Variants in TFIP11 observed in about 807,000 individuals in gnomAD.
TFIP11 encodes tuftelin-interacting protein 11.
Under a neutral mutation model 96.8 loss-of-function variants are expected in TFIP11, and 86 were observed. The observed-to-expected ratio is 0.89, with a 90% CI of 0.75 to 1.06. TFIP11 has a LOEUF of 1.06. TFIP11 is among the 50% of genes least tolerant of loss of function. The pLI is 0.00. For missense variants in TFIP11, 881 were observed against 1,076.7 expected, an observed-to-expected ratio of 0.82 and a Z score of 2.54; for synonymous variants, 405 against 395.2, an observed-to-expected ratio of 1.02 and a Z score of -0.29.
Position 26,491,767 on chromosome 22 carries a change from G to A in TFIP11, c.*246C>T. Reference sequence around the variant, plus strand: ...TGGAGGAACTACAGAGAACTCCTTTGCCAGGAAAGAACATCAACTTGGCTG... The same window carrying A: ...TGGAGGAACTACAGAGAACTCCTTTACCAGGAAAGAACATCAACTTGGCTG... On this transcript the variant is annotated 3_prime_UTR_variant, in exon 15 of 15. Transcript: ENST00000407690. 1 of 1,206,420 alleles carries A rather than the reference G, an allele frequency of 8.3e-7. No individual in the cohort carries two copies. The highest frequency in any genetic ancestry group is 2.5e-5 in the East Asian group (1 of 40,576). 74.7% of individuals were successfully genotyped at this position (1,206,420 alleles called of 1,614,324 possible).
At chr22:26,511,988 G>A (rs1158075218) in intron 2 of TFIP11, 111 bp downstream of exon 2, 1 of 152,184 alleles carries the variant, frequency 6.6e-6, no homozygotes, top group Admixed American at 6.5e-5. Context: ...CATGCTGGTC[G>A]CTTGAGACCG....
At chr22:26,495,087 G>A (rs1429679407) in intron 12 of TFIP11, 148 bp from the exon 13 acceptor site, 7 of 979,860 alleles carry the variant, frequency 7.1e-6, no homozygotes, top group Admixed American at 2.6e-5. Context: ...TCAGCCTCCC[G>A]AGTAGCTGGG....
intron 14 of TFIP11, 46 bp from the exon 15 acceptor site, chr22:26,492,414 G>T: frequency 1.3e-6 from 2 of 1,572,296 alleles, no homozygotes; most frequent in Non-Finnish European, 1.7e-6. Context: ...GTTTCCAGGT[G>T]TATGGAAGTT....
Position 26,499,474 on chromosome 22 carries a change from A to C in TFIP11, c.959T>G (p.Leu320Arg). 1 of 1,614,210 alleles carries C rather than the reference A, an allele frequency of 6.2e-7. No individual in the cohort carries two copies. The highest frequency in any genetic ancestry group is 8.5e-7 in the Non-Finnish European group (1 of 1,180,052). The change falls in exon 9 of 15, where the codon CTG (leucine) becomes CGG (arginine). Residue 320 changes from leucine (L) to arginine (R), a missense_variant. Coordinates refer to ENST00000407690, the MANE Select transcript of TFIP11 (RefSeq NM_012143.4). The stretch of plus-strand genomic sequence containing the variant: ...GATGAGCAGCTGCAGGTTGTGCTCC[A>C]GCTCGGGCAGCGCGAAGCCGGGGGC... ...AKAPGFALPELEHNLQLLIDL... is the reference protein window; with the variant it reads ...AKAPGFALPEREHNLQLLIDL...
At chr22:26,502,479 A>C (rs1721297991) in intron 7 of TFIP11, among the ~76,000 whole-genome samples, 1 of 152,198 alleles carries the variant, frequency 6.6e-6, no homozygotes, top group African/African-American at 2.4e-5. Context: ...CTCAAAGCAA[A>C]GGTGTCTCTT....
rs1417792453 is a variant in TFIP11 at position 26,499,167 on chromosome 22, G to A, written c.1266C>T (p.Asp422=). The change falls in exon 9 of 15, where the codon GAC becomes GAT. Residue 422 remains aspartate (D), a synonymous_variant. Transcript: ENST00000407690. ...GTGGATAGACGATGGCCACAGCAAG[G>A]TCCACACGGTCGGACATCCTGTACT... The part of the protein sequence containing the change: ...YEEYRMSDRV[D]LAVAIVYPLM... 5.0e-6 allele frequency: 8 copies of A among 1,607,722 alleles called. No homozygotes were observed. Among genetic ancestry groups the A allele is most frequent in the Non-Finnish European group, 8.5e-7 (1 of 1,176,284 alleles).
rs771175982 is a variant in TFIP11 at position 26,496,224 on chromosome 22, G to A, written c.1698C>T (p.Leu566=). The change falls in exon 12 of 15, where the codon CTC becomes CTT. Residue 566 remains leucine (L), a synonymous_variant. Coordinates refer to ENST00000407690, the MANE Select transcript of TFIP11 (RefSeq NM_012143.4). ...LPLMQARLEP[L]YSPIRSKLSS... is the part of the protein sequence containing the mutation. ...ACAGCTTACTACGGATGGGGGAATA[G>A]AGTGGCTCCAGCCGTGCCTGCATAA... The A allele has an allele frequency of 6.2e-7, 1 of 1,613,930 alleles. No homozygotes were observed.
intron 9 of TFIP11, 46 bp downstream of exon 9, chr22:26,499,058 A>G (rs761823053): frequency 3.7e-6 from 6 of 1,603,886 alleles, no homozygotes; most frequent in Admixed American, 1.7e-5. Context: ...AGCAAGGGTA[A>G]GCCCAACCGA....
chr22:26,503,823 G>GTCTTACGA, intron 6 of TFIP11, 30 bp from the exon 7 acceptor site: 1 of 1,609,264 alleles, frequency 6.2e-7, no homozygotes, highest in Non-Finnish European at 8.5e-7. Context: ...AAAAAAGAGA[G>GTCTTACGA]TCTTACGATC....
Position 26,494,165 on chromosome 22 carries a change from A to G in TFIP11, c.2132T>C (p.Met711Thr). The G allele has an allele frequency of 1.2e-6, 2 of 1,614,246 alleles. No individual in the cohort carries two copies. The highest frequency in any genetic ancestry group is 8.5e-7 in the Non-Finnish European group (1 of 1,180,038). ...KDKFNEALDI[M>T]NRAVSSNVGA... ...AACGTTGGAGGACACCGCCCGGTTCATGATATCAAGTGCCTCATTAAATTT... is the reference window on the plus strand; with the variant it reads ...AACGTTGGAGGACACCGCCCGGTTCGTGATATCAAGTGCCTCATTAAATTT... The change falls in exon 14 of 15, where the codon ATG becomes ACG. Residue 711 changes from methionine to threonine, a missense_variant. Met to Thr is a moderately conservative substitution (Grantham distance 81). Coordinates refer to ENST00000407690, the MANE Select transcript of TFIP11 (RefSeq NM_012143.4).
chr22:26,492,357 G>C lies in TFIP11; in HGVS notation c.2170C>G (p.Gln724Glu). Residue 724 changes from glutamine to glutamate, a missense_variant, in exon 15 of 15, where the codon CAG becomes GAG. Gln to Glu is a conservative substitution (Grantham distance 29). Coordinates refer to ENST00000407690, the MANE Select transcript of TFIP11 (RefSeq NM_012143.4). ...GCAATGTTCTCCCGTGCTCCTGGCT[G>C]CATGTAGGCACCTAAGATACAGGAG... ...AVSSNVGAYM[Q>E]PGARENIAYL... is the part of the protein sequence containing the mutation. The C allele has an allele frequency of 6.2e-7, 1 of 1,614,118 alleles. No homozygotes were observed. Among genetic ancestry groups the C allele is most frequent in the Non-Finnish European group, 8.5e-7 (1 of 1,179,958 alleles).
In TFIP11 at chr22:26,495,990, G is replaced by A. The variant is rs57755493; in HGVS notation, c.1849+83C>T. Reference sequence around the variant, plus strand: ...TAAGCACTTTCATGAACATAAAGGCGATGCTTTAAATCATCACTGCTAACC... The same window carrying A: ...TAAGCACTTTCATGAACATAAAGGCAATGCTTTAAATCATCACTGCTAACC... On this transcript the variant is annotated intron_variant, in intron 12 of 14. Transcript: ENST00000407690. 1.3e-4 allele frequency: 197 copies of A among 1,534,880 alleles called. No homozygotes were observed. The African/African-American group carries it at 2.1e-3, about 17-fold the overall frequency.
In TFIP11 at chr22:26,491,643, A is replaced by G. The variant is rs958154923; in HGVS notation, c.*370T>C. ...TGAGGACCTTGAAATCATCAGGAAC[A>G]AGAGAGAAGATCCTTCTGCTACTGA... is the stretch of plus-strand genomic sequence containing the variant. On this transcript the variant is annotated 3_prime_UTR_variant, in exon 15 of 15. Transcript: ENST00000407690. 2.0e-5 allele frequency: 33 copies of G among 1,612,874 alleles called. No individual in the cohort carries two copies. Among genetic ancestry groups the G allele is most frequent in the African/African-American group, 5.3e-5 (4 of 74,924 alleles).
rs1268751194 is a variant in TFIP11 at position 26,503,719 on chromosome 22, T to C, written c.595A>G (p.Thr199Ala). 1.2e-6 allele frequency: 2 copies of C among 1,613,938 alleles called. No individual in the cohort carries two copies. Among genetic ancestry groups the C allele is most frequent in the African/African-American group, 2.7e-5 (2 of 74,860 alleles). ...ACAGGGAAGTCTTGCATGGACTGAGTGGTGCGCTCGGATCCATAAGCCCCC... is the reference window on the plus strand; with the variant it reads ...ACAGGGAAGTCTTGCATGGACTGAGCGGTGCGCTCGGATCCATAAGCCCCC... The part of the protein sequence containing the change: ...AVGAYGSERT[T>A]QSMQDFPVVD... Residue 199 changes from threonine to alanine, a missense_variant, in exon 7 of 15, where the codon ACT becomes GCT. Coordinates refer to ENST00000407690, the MANE Select transcript of TFIP11 (RefSeq NM_012143.4).
At chr22:26,495,168 C>A (rs896903275) in intron 12 of TFIP11, among the ~76,000 whole-genome samples, 5 of 149,218 alleles carry the variant, frequency 3.4e-5, no homozygotes, top group Non-Finnish European at 7.4e-5. Context: ...TGGCATGTTG[C>A]CCAGGCTGGT....
intron 7 of TFIP11, 39 bp downstream of exon 7, chr22:26,503,627 C>T (rs970702401): frequency 1.2e-6 from 2 of 1,609,536 alleles, no homozygotes; most frequent in Admixed American, 3.4e-5. Context: ...TAGAAATGGA[C>T]AGGACACCAT....
At position 26,504,093 on chromosome 22, in the gene TFIP11, C is replaced by T. The variant is rs914101410; in HGVS notation, c.521-300G>A. Among the ~76,000 whole-genome samples the T allele has an allele frequency of 2.0e-5, 3 of 152,164 alleles. No individual in the cohort carries two copies. In the East Asian group the frequency reaches 5.8e-4, roughly 29 times the overall value. On this transcript the variant is annotated intron_variant, in intron 6 of 14. Coordinates refer to ENST00000407690, the MANE Select transcript of TFIP11 (RefSeq NM_012143.4). ...AGAAAACAGAACACTACATTTATAACTGAGAACTCCAGCACACTAAATTCT... is the reference window on the plus strand; with the variant it reads ...AGAAAACAGAACACTACATTTATAATTGAGAACTCCAGCACACTAAATTCT...
intron 4 of TFIP11, among the ~76,000 whole-genome samples, chr22:26,508,245 A>C (rs1923657331): frequency 6.6e-6 from 1 of 152,234 alleles, no homozygotes; most frequent in African/African-American, 2.4e-5. Flanking sequence ...TTAGTGATTT[A>C]GATCCCAAAC....
At chr22:26,502,207 C>A (rs1602215704) in intron 7 of TFIP11, 155 bp from the exon 8 acceptor site, 1 of 815,892 alleles carries the variant, frequency 1.2e-6, no homozygotes, top group Non-Finnish European at 1.9e-6. Flanking sequence ...TGCAAGACAC[C>A]AAAACTATCT....
Sources: allele counts gnomAD v4.1 joint callset (sites outside exome capture counted in the v4.1 genomes callset), GRCh38; gene constraint gnomAD v4.1.1; transcripts MANE v1.5; gene names NCBI Gene and HGNC (gene_info 2026-07-23, HGNC 2026-07-21).